Variants in CNTN3 observed in about 807,000 individuals in gnomAD.
CNTN3 encodes the protein contactin 3, also known as contactin-3.
A neutral mutation model predicts 119.1 loss-of-function variants in CNTN3; 60 were observed. The observed-to-expected ratio is 0.50, with a 90% confidence interval of 0.41 to 0.62. The LOEUF (loss-of-function observed/expected upper bound fraction) is 0.62. Ranked by LOEUF, CNTN3 falls within the 20% of genes least tolerant of loss-of-function variation. The pLI, the probability that CNTN3 is intolerant of heterozygous loss-of-function variation, is 0.00. For missense variants in CNTN3, 1,101 were observed against 1,242.4 expected (o/e 0.89, Z 1.71); for synonymous variants, 450 against 438.7 (o/e 1.03, Z -0.32).
Position 74,466,434 on chromosome 3 carries a change from T to C in CNTN3, c.358+20022A>G, listed in dbSNP as rs562988039. ...TCAAAAACGGAAGAAAGTATGATAA[T>C]GAAATTTATATCGATTCCCCAACTA... On this transcript the variant is annotated intron_variant, in intron 4 of 22. Transcript: ENST00000263665. Among the ~76,000 whole-genome samples, 6 of 152,280 alleles carry C rather than the reference T, an allele frequency of 3.9e-5. No individual in the cohort carries two copies. The East Asian group carries it at 1.2e-3, about 29-fold the overall frequency.
chr3:74,534,791 A>G (rs922429655), intron 1 of CNTN3, among the ~76,000 whole-genome samples: 3 of 152,030 alleles, frequency 2.0e-5, no homozygotes, highest in African/African-American at 7.2e-5. Flanking sequence ...TGGGCGAGTT[A>G]TTAGATTGGT....
In CNTN3 at chr3:74,517,753, C is replaced by T. The variant is rs772431150; in HGVS notation, c.55+3305G>A. ...TCTTTTGTAAGCTCTCCCACTTCAC[C>T]CTAGGTTCCAGCCTGCCCCTTTCAT... On this transcript the variant is annotated intron_variant, in intron 2 of 22. Transcript: ENST00000263665. Among the ~76,000 whole-genome samples the T allele has an allele frequency of 9.1e-4, 139 of 151,928 alleles. 1 individual carries two copies. The highest frequency in any genetic ancestry group is 1.5e-3 in the Non-Finnish European group (101 of 67,870).
intron 11 of CNTN3, among the ~76,000 whole-genome samples, chr3:74,346,133 G>C (rs1290776151): frequency 6.6e-6 from 1 of 152,008 alleles, no homozygotes; most frequent in East Asian, 1.9e-4. Context: ...AAGTAGGCTA[G>C]AGTAACAAAG....
intron 1 of CNTN3, among the ~76,000 whole-genome samples, chr3:74,568,195 G>A (rs1369993799): frequency 6.6e-6 from 1 of 152,170 alleles, no homozygotes; most frequent in Non-Finnish European, 1.5e-5. Context: ...ATGATTTAAT[G>A]AAGGAAAACA....
chr3:74,451,460 G>A (rs1369661851), intron 4 of CNTN3, among the ~76,000 whole-genome samples: 8 of 151,988 alleles, frequency 5.3e-5, no homozygotes, highest in South Asian at 2.1e-4. Context: ...CCCATTTTGT[G>A]GGTTGCCTGT....
chr3:74,350,777 G>A (rs1430422857), intron 11 of CNTN3, among the ~76,000 whole-genome samples: 1 of 151,946 alleles, frequency 6.6e-6, no homozygotes, highest in Non-Finnish European at 1.5e-5. Context: ...GCAGCCACAA[G>A]GATGCAGATG....
chr3:74,560,281 G>A (rs573204518), intron 1 of CNTN3, among the ~76,000 whole-genome samples: 115 of 152,112 alleles, frequency 7.6e-4, no homozygotes, highest in Non-Finnish European at 1.5e-3. Flanking sequence ...TGCAGGGCAT[G>A]GCACAGAGTG....
At chr3:74,492,615 A>G (rs1702984982) in intron 3 of CNTN3, among the ~76,000 whole-genome samples, 1 of 152,220 alleles carries the variant, frequency 6.6e-6, no homozygotes, top group Non-Finnish European at 1.5e-5. Flanking sequence ...GAGTTATTTC[A>G]AAACTGGTAG....
At chr3:74,559,853 G>C (rs1431467741) in intron 1 of CNTN3, among the ~76,000 whole-genome samples, 1 of 152,072 alleles carries the variant, frequency 6.6e-6, no homozygotes, top group East Asian at 1.9e-4. Context: ...CCGATAACCA[G>C]AATTATGGAG....
At chr3:74,351,311 G>A (rs1031162104) in intron 11 of CNTN3, among the ~76,000 whole-genome samples, 3 of 152,184 alleles carry the variant, frequency 2.0e-5, no homozygotes, top group Non-Finnish European at 4.4e-5. Context: ...GAAACCTTGG[G>A]TTTATCTGCC....
chr3:74,519,491 C>A (rs1026153048), intron 2 of CNTN3, among the ~76,000 whole-genome samples: 2 of 151,672 alleles, frequency 1.3e-5, no homozygotes, highest in African/African-American at 4.8e-5. Context: ...TCTTTTGCTG[C>A]CTTTCTACTT....
In CNTN3 at chr3:74,306,532, G is replaced by A. The variant is rs1034566503; in HGVS notation, c.1669-3725C>T. On this transcript the variant is annotated intron_variant, in intron 13 of 22. Transcript: ENST00000263665. ...AGCAGGAAGGGACCAGAATTGAGAA[G>A]GTGCAAATTCATAGCTTTATTTTCT... Among the ~76,000 whole-genome samples, 28 of 152,208 alleles carry A rather than the reference G, an allele frequency of 1.8e-4. 1 individual carries two copies. Among genetic ancestry groups the A allele is most frequent in the African/African-American group, 6.5e-4 (27 of 41,544 alleles).
At chr3:74,482,543 G>T (rs11128390) in intron 4 of CNTN3, among the ~76,000 whole-genome samples, 2 of 152,046 alleles carry the variant, frequency 1.3e-5, no homozygotes, top group Non-Finnish European at 2.9e-5. Flanking sequence ...CATTAAGATA[G>T]AATCTCTTTA....
At chr3:74,366,576 T>C (rs1392105590) in intron 8 of CNTN3, among the ~76,000 whole-genome samples, 3 of 151,740 alleles carry the variant, frequency 2.0e-5, no homozygotes, top group East Asian at 1.9e-4. Flanking sequence ...GGATTCACAT[T>C]TGCATCCTCC....
chr3:74,454,601 T>C (rs1410819898), intron 4 of CNTN3, among the ~76,000 whole-genome samples: 2 of 152,138 alleles, frequency 1.3e-5, no homozygotes, highest in Non-Finnish European at 2.9e-5. Flanking sequence ...AGTTTCTTCC[T>C]AGTCTCAGTG....
At chr3:74,502,844 C>T (rs990345029) in intron 2 of CNTN3, among the ~76,000 whole-genome samples, 3 of 152,086 alleles carry the variant, frequency 2.0e-5, no homozygotes, top group South Asian at 2.1e-4. Context: ...CACAACCTTA[C>T]GAGATCTTTC....
chr3:74,414,119 G>T (rs1701482258), intron 5 of CNTN3, among the ~76,000 whole-genome samples: 1 of 152,166 alleles, frequency 6.6e-6, no homozygotes, highest in East Asian at 1.9e-4. Context: ...CATGTGGATG[G>T]ATGAAAGTCA....
intron 1 of CNTN3, among the ~76,000 whole-genome samples, chr3:74,558,571 T>A (rs1325434188): frequency 6.6e-6 from 1 of 152,206 alleles, no homozygotes; most frequent in African/African-American, 2.4e-5. Flanking sequence ...TGCATAGTCT[T>A]TGGTGTATTA....
intron 1 of CNTN3, among the ~76,000 whole-genome samples, chr3:74,539,503 T>C (rs1233327903): frequency 6.6e-6 from 1 of 152,084 alleles, no homozygotes; most frequent in East Asian, 1.9e-4. Context: ...CAGTGGAATC[T>C]TAGAATTTGA....
Sources: allele counts gnomAD v4.1 joint callset (sites outside exome capture counted in the v4.1 genomes callset), GRCh38; gene constraint gnomAD v4.1.1; transcripts MANE v1.5; gene names NCBI Gene and HGNC (gene_info 2026-07-23, HGNC 2026-07-21).